SLC16A9: variants seen among roughly 807,000 people sequenced by gnomAD.
The protein encoded by SLC16A9 is monocarboxylate transporter 9.
In SLC16A9, 26 loss-of-function variants were observed where a neutral mutation model predicts 44.3. The ratio of observed to expected loss-of-function variants is 0.59; its 90% CI spans 0.43 to 0.81. SLC16A9 has a LOEUF of 0.81. Ranked by LOEUF, SLC16A9 falls within the 40% of genes least tolerant of loss-of-function variation. SLC16A9 has a pLI of 0.00. For synonymous variants in SLC16A9, 230 were observed against 225.1 expected, an observed-to-expected ratio of 1.02 and a Z score of -0.19; for missense variants, 559 against 595.8, an observed-to-expected ratio of 0.94 and a Z score of 0.64.
intron 4 of SLC16A9, among the ~76,000 whole-genome samples, chr10:59,659,947 A>G (rs1208480639): frequency 1.3e-5 from 2 of 152,246 alleles, no homozygotes; most frequent in African/African-American, 4.8e-5. Flanking sequence ...GTTCTTTGAA[A>G]CCAAAGAGAA....
At chr10:59,672,989 A>G (rs111846071) in intron 2 of SLC16A9, 76 bp from the exon 3 acceptor site, 1 of 1,410,706 alleles carries the variant, frequency 7.1e-7, no homozygotes, top group Admixed American at 2.3e-5. Context: ...TCTTTCCACC[A>G]TAAAACAACA....
chr10:59,674,095 A>G (rs1839809059), intron 2 of SLC16A9, among the ~76,000 whole-genome samples: 1 of 152,194 alleles, frequency 6.6e-6, no homozygotes, highest in African/African-American at 2.4e-5. Context: ...CTTGGCATGA[A>G]TGTAATGATT....
intron 4 of SLC16A9, among the ~76,000 whole-genome samples, chr10:59,664,008 A>T (rs1037820831): frequency 6.7e-6 from 1 of 149,554 alleles, no homozygotes; most frequent in South Asian, 2.1e-4. Flanking sequence ...CATACAAGAC[A>T]TAAAAATTTA....
Position 59,651,138 on chromosome 10 carries a change from G to T in SLC16A9, c.*1634C>A, listed in dbSNP as rs1839188464. 6.6e-6 allele frequency: 1 copy of T among 152,060 alleles called. No homozygotes were observed. The highest frequency in any genetic ancestry group is 2.4e-5 in the African/African-American group (1 of 41,410). 9.4% of individuals were successfully genotyped at this position (152,060 alleles called of 1,614,324 possible). On this transcript the variant is annotated 3_prime_UTR_variant, in exon 6 of 6. Coordinates refer to ENST00000395348, the MANE Select transcript of SLC16A9 (RefSeq NM_194298.3). ...ATTGCATTATTAAGTAGAATGAACT[G>T]TTATGAAATTCTCCATATTCCAGGT...
chr10:59,667,827 C>T (rs1341090591), intron 3 of SLC16A9, among the ~76,000 whole-genome samples: 1 of 152,168 alleles, frequency 6.6e-6, no homozygotes. Flanking sequence ...TTCACAGCAT[C>T]AGTATTAGTA....
chr10:59,703,860 A>T (rs1409282270), intron 1 of SLC16A9, among the ~76,000 whole-genome samples: 3 of 152,026 alleles, frequency 2.0e-5, no homozygotes, highest in East Asian at 1.9e-4. Context: ...CTGGGACTAC[A>T]GGTGCCCGCC....
chr10:59,655,833 A>G (rs1309080603), intron 4 of SLC16A9, among the ~76,000 whole-genome samples: 2 of 152,230 alleles, frequency 1.3e-5, no homozygotes, highest in Non-Finnish European at 2.9e-5. Context: ...TTACATTATA[A>G]TCTCATCAGG....
At chr10:59,708,909 G>A (rs945258318) in intron 1 of SLC16A9, 12 of 152,474 alleles carry the variant, frequency 7.9e-5, no homozygotes, top group Admixed American at 7.2e-4. Context: ...CGCTCGCCCA[G>A]GGCTGCCGGG....
At chr10:59,669,074 C>T (rs1308780033) in intron 3 of SLC16A9, among the ~76,000 whole-genome samples, 1 of 151,794 alleles carries the variant, frequency 6.6e-6, no homozygotes. Context: ...TGGAATTCTT[C>T]CAAAAATCAG....
intron 1 of SLC16A9, among the ~76,000 whole-genome samples, chr10:59,703,486 G>A (rs1408761911): frequency 6.6e-6 from 1 of 152,128 alleles, no homozygotes; most frequent in Non-Finnish European, 1.5e-5. Flanking sequence ...TTGCCAAAGA[G>A]CTCCTCCAAA....
intron 2 of SLC16A9, among the ~76,000 whole-genome samples, chr10:59,675,928 T>G (rs1037694734): frequency 6.6e-6 from 1 of 152,224 alleles, no homozygotes; most frequent in Non-Finnish European, 1.5e-5. Context: ...CTTTCACTCC[T>G]GCTCTAAAAT....
At chr10:59,675,864 G>A (rs933118710) in intron 2 of SLC16A9, among the ~76,000 whole-genome samples, 1 of 152,204 alleles carries the variant, frequency 6.6e-6, no homozygotes, top group Non-Finnish European at 1.5e-5. Context: ...ACTGAATGGG[G>A]CACCTGAATC....
At chr10:59,678,612 C>T (rs1345213263) in intron 2 of SLC16A9, among the ~76,000 whole-genome samples, 1 of 121,414 alleles carries the variant, frequency 8.2e-6, no homozygotes, top group Non-Finnish European at 1.7e-5. Context: ...GGCGCAATCT[C>T]GGCTCACTGC....
At chr10:59,704,756 T>C (rs1011554166) in intron 1 of SLC16A9, among the ~76,000 whole-genome samples, 41 of 152,200 alleles carry the variant, frequency 2.7e-4, no homozygotes, top group African/African-American at 9.7e-4. Flanking sequence ...CCTCCAGAGC[T>C]TGGCCTGAGA....
intron 2 of SLC16A9, among the ~76,000 whole-genome samples, chr10:59,683,851 C>T (rs564251676): frequency 9.2e-5 from 14 of 152,116 alleles, no homozygotes; most frequent in African/African-American, 2.2e-4. Flanking sequence ...GTTCAATGCC[C>T]GGCACATCGT....
intron 2 of SLC16A9, among the ~76,000 whole-genome samples, chr10:59,677,248 T>G (rs1839880489): frequency 6.6e-6 from 1 of 151,694 alleles, no homozygotes. Context: ...CCACCACTCC[T>G]GGCTAATTAA....
intron 4 of SLC16A9, among the ~76,000 whole-genome samples, chr10:59,662,193 C>A (rs539848507): frequency 1.3e-5 from 2 of 151,974 alleles, no homozygotes; most frequent in African/African-American, 2.4e-5. Flanking sequence ...TCAGAGTGAA[C>A]AGGCAACCTA....
intron 4 of SLC16A9, among the ~76,000 whole-genome samples, chr10:59,662,496 G>A (rs190303795): frequency 3.3e-5 from 5 of 151,366 alleles, no homozygotes; most frequent in East Asian, 3.9e-4. Flanking sequence ...TTAGCTGGGC[G>A]TGGTGGCAGG....
At chr10:59,666,462 A>C (rs1477242499) in intron 3 of SLC16A9, among the ~76,000 whole-genome samples, 1 of 152,154 alleles carries the variant, frequency 6.6e-6, no homozygotes, top group Non-Finnish European at 1.5e-5. Flanking sequence ...TTATAATAAT[A>C]CTAAGATGTT....
Sources: gnomAD v4.1 joint callset for allele counts (sites outside exome capture counted in the v4.1 genomes callset) on GRCh38, gnomAD v4.1.1 for gene constraint, MANE v1.5 for transcripts, NCBI Gene and HGNC (gene_info 2026-07-23, HGNC 2026-07-21) for gene names.